The following BPIFB1 variants were observed in gnomAD, a reference collection of about 807,000 sequenced individuals.
BPIFB1 encodes BPI fold-containing family B member 1.
Under a neutral mutation model 55.1 loss-of-function variants are expected in BPIFB1, and 34 were observed. The observed-to-expected ratio is 0.62, with a 90% CI of 0.47 to 0.82. The LOEUF (loss-of-function observed/expected upper bound fraction) is 0.82. BPIFB1 is among the 40% of genes least tolerant of loss of function. The pLI is 0.00. For synonymous variants in BPIFB1, 236 were observed against 245.3 expected (o/e 0.96, Z 0.35); for missense variants, 532 against 593.1 (o/e 0.90, Z 1.07).
At chr20:33,289,862 G>C (rs764809109) in intron 3 of BPIFB1, 23 bp from the exon 4 acceptor site, 1 of 1,599,104 alleles carries the variant, frequency 6.3e-7, no homozygotes, top group Admixed American at 1.7e-5. Context: ...GCATGATTCT[G>C]ATCTCTCCTA....
Position 33,304,896 on chromosome 20 carries a change from G to C in BPIFB1, c.1254+5G>C. 1 of 1,614,138 alleles carries C rather than the reference G, an allele frequency of 6.2e-7. No individual in the cohort carries two copies. Among genetic ancestry groups the C allele is most frequent in the African/African-American group, 1.3e-5 (1 of 75,044 alleles). On this transcript the variant is annotated splice_donor_5th_base_variant and intron_variant, in intron 13 of 15. Transcript: ENST00000253354. Reference sequence around the variant, plus strand: ...TCTGGGATTGGCTGGTTCCAAGTAAGTGTTAACAGGTGGTGCCTGAGGGCA... The same window carrying C: ...TCTGGGATTGGCTGGTTCCAAGTAACTGTTAACAGGTGGTGCCTGAGGGCA...
At chr20:33,302,521 A>G (rs1194783817) in intron 10 of BPIFB1, 109 bp downstream of exon 10, 3 of 1,222,684 alleles carry the variant, frequency 2.5e-6, no homozygotes, top group Non-Finnish European at 3.6e-6. Flanking sequence ...GCACTGGGAC[A>G]CTCAAACCGC....
chr20:33,289,178 C>T (rs1314076577), intron 3 of BPIFB1, among the ~76,000 whole-genome samples: 1 of 151,938 alleles, frequency 6.6e-6, no homozygotes, highest in Non-Finnish European at 1.5e-5. Flanking sequence ...GTTAGGAGTT[C>T]GAGACCAGCC....
At chr20:33,300,019 AC>A (rs1980795810) in intron 8 of BPIFB1, 35 bp downstream of exon 8, 1 of 1,575,972 alleles carries the variant, frequency 6.3e-7, no homozygotes, top group Non-Finnish European at 8.7e-7. Flanking sequence ...TGAAGTGGGG[AC>A]ATTGCTGCCC....
At chr20:33,284,833 C>A (rs1980214194) in intron 1 of BPIFB1, among the ~76,000 whole-genome samples, 1 of 152,158 alleles carries the variant, frequency 6.6e-6, no homozygotes, top group South Asian at 2.1e-4. Flanking sequence ...GCCAGAATAC[C>A]CCCAAGCTCC....
intron 6 of BPIFB1, among the ~76,000 whole-genome samples, chr20:33,296,174 C>A (rs1310418412): frequency 2.0e-5 from 3 of 152,126 alleles, no homozygotes; most frequent in African/African-American, 7.2e-5. Context: ...TACTGTGTAG[C>A]CAGGATTGAG....
intron 15 of BPIFB1, 96 bp downstream of exon 15, chr20:33,307,083 A>G (rs1276323189): frequency 2.6e-6 from 3 of 1,150,254 alleles, no homozygotes; most frequent in Admixed American, 1.8e-5. Context: ...ACCCCAGCCT[A>G]CAGGTGACCC....
intron 4 of BPIFB1, 146 bp downstream of exon 4, chr20:33,290,138 C>T (rs1203216800): frequency 3.0e-6 from 2 of 662,236 alleles, no homozygotes; most frequent in Admixed American, 2.4e-5. Flanking sequence ...CAGCAGTGTA[C>T]TTGCCTTGCT....
intron 15 of BPIFB1, among the ~76,000 whole-genome samples, chr20:33,308,767 CAT>C (rs1223661679): frequency 1.6e-5 from 2 of 125,274 alleles, no homozygotes; most frequent in Non-Finnish European, 3.3e-5. Flanking sequence ...ACACCACACA[CAT>C]ACACACTACA....
At chr20:33,283,626 A>T (rs1396803681) in intron 1 of BPIFB1, among the ~76,000 whole-genome samples, 2 of 152,140 alleles carry the variant, frequency 1.3e-5, no homozygotes, top group African/African-American at 2.4e-5. Context: ...TGTGGTGCCC[A>T]AGGAAGACCC....
At chr20:33,299,299 C>T (rs1465358667) in intron 7 of BPIFB1, 3 of 400,126 alleles carry the variant, frequency 7.5e-6, no homozygotes, top group Admixed American at 5.6e-5. Context: ...GACACACCAC[C>T]GCCACCTGGC....
chr20:33,299,366 A>C, intron 7 of BPIFB1: 1 of 353,140 alleles, frequency 2.8e-6, no homozygotes, highest in Admixed American at 3.6e-5. Context: ...CAGAGGAGCC[A>C]GTTTGGATTT....
At chr20:33,285,216 A>G (rs1980225048) in intron 1 of BPIFB1, among the ~76,000 whole-genome samples, 2 of 152,148 alleles carry the variant, frequency 1.3e-5, no homozygotes, top group Admixed American at 1.3e-4. Flanking sequence ...AGCAAGAGCA[A>G]AGGCACGGAC....
In BPIFB1 at chr20:33,303,140, G is replaced by A. The variant is rs138153062; in HGVS notation, c.1140+66G>A. 59 of 1,580,742 alleles carry A rather than the reference G, an allele frequency of 3.7e-5. No individual in the cohort carries two copies. The African/African-American group carries it at 5.9e-4, about 16-fold the overall frequency. On this transcript the variant is annotated intron_variant, in intron 11 of 15. Transcript: ENST00000253354. ...ACCCTTCTGTCTACTTTTCCTGTTC[G>A]CCCTCTTGCTTTGTTAAACATTTCC...
chr20:33,306,531 C>T lies in BPIFB1; in HGVS notation c.1319-380C>T, dbSNP rs190734274. 1.5e-4 allele frequency: 47 copies of T among 306,050 alleles called. No individual in the cohort carries two copies. The East Asian group carries it at 2.8e-3, about 18-fold the overall frequency. The allele number at this position is 306,050 out of a possible 1,614,324, so 19.0% of individuals were successfully genotyped here. ...AGTGCCCAACACTCTAATTCAGCCC[C>T]AGGTTGAATGAGGGGTGGGAAGGGT... On this transcript the variant is annotated intron_variant, in intron 14 of 15. Transcript: ENST00000253354.
At chr20:33,285,628 G>A (rs1356271359) in intron 1 of BPIFB1, among the ~76,000 whole-genome samples, 1 of 150,626 alleles carries the variant, frequency 6.6e-6, no homozygotes, top group East Asian at 1.9e-4. Flanking sequence ...TGAGGCAGGA[G>A]AATGGTGTGA....
rs111712216 is a variant in BPIFB1 at position 33,296,699 on chromosome 20, G to A, written c.598-826G>A. On this transcript the variant is annotated intron_variant, in intron 6 of 15. Transcript: ENST00000253354. Reference sequence around the variant, plus strand: ...AAAATGTCTCTAGAAATTTCCAAATGTCTCCTTGGGGACAAAATCTCCCCC... The same window carrying A: ...AAAATGTCTCTAGAAATTTCCAAATATCTCCTTGGGGACAAAATCTCCCCC... 2.7e-3 allele frequency among the ~76,000 whole-genome samples: 410 copies of A among 152,264 alleles called. 1 individual carries two copies. Among genetic ancestry groups the A allele is most frequent in the African/African-American group, 9.3e-3 (388 of 41,546 alleles).
intron 15 of BPIFB1, among the ~76,000 whole-genome samples, chr20:33,308,451 TAC>T (rs77066397): frequency 6.7e-6 from 1 of 150,340 alleles, no homozygotes; most frequent in Admixed American, 6.6e-5. Flanking sequence ...CACACACATA[TAC>T]ACACACACAC....
intron 6 of BPIFB1, among the ~76,000 whole-genome samples, chr20:33,295,744 GAGAGAGAGAGAA>G (rs902273577): frequency 5.6e-5 from 8 of 142,564 alleles, no homozygotes; most frequent in Admixed American, 2.2e-4. Flanking sequence ...GAAGGAAGGA[GAGAGAGAGAGAA>G]AGAGAGAGAG....
Sources: allele counts gnomAD v4.1 joint callset (sites outside exome capture counted in the v4.1 genomes callset), GRCh38; gene constraint gnomAD v4.1.1; transcripts MANE v1.5; gene names NCBI Gene and HGNC (gene_info 2026-07-23, HGNC 2026-07-21).